Variants in ARF3 observed in about 807,000 individuals in gnomAD.
ARF3 encodes ADP-ribosylation factor 3.
In ARF3, 5 loss-of-function variants were observed where a neutral mutation model predicts 19.3. That is an observed-to-expected ratio of 0.26 (90% CI 0.14 to 0.54). The LOEUF (loss-of-function observed/expected upper bound fraction) is 0.54, where lower values mean the gene tolerates loss of function less well. ARF3 is among the 20% of genes least tolerant of loss of function. The pLI, the probability that ARF3 is intolerant of heterozygous loss-of-function variation, is 0.95. For synonymous variants in ARF3, 71 were observed against 89.2 expected (o/e 0.80, Z 1.15); for missense variants, 77 against 234.2 (o/e 0.33, Z 4.38).
rs575048229 is a variant in ARF3, at chr12:48,948,667, C to T, written c.-93-7479G>A. 7.9e-5 allele frequency among the ~76,000 whole-genome samples: 12 copies of T among 151,988 alleles called. No individual in the cohort carries two copies. In the South Asian group the frequency reaches 2.5e-3, roughly 32 times the overall value. ...CTCTACTAAAAATAGAAAAATTAGCCGGGTGTGATGGTGTGGGCCTGCAAT... is the reference window on the plus strand; with the variant it reads ...CTCTACTAAAAATAGAAAAATTAGCTGGGTGTGATGGTGTGGGCCTGCAAT... On this transcript the variant is annotated intron_variant, in intron 1 of 4. Coordinates refer to ENST00000256682, the MANE Select transcript of ARF3 (RefSeq NM_001659.3).
chr12:48,946,304 A>C (rs1940358130), intron 1 of ARF3, among the ~76,000 whole-genome samples: 1 of 152,230 alleles, frequency 6.6e-6, no homozygotes, highest in South Asian at 2.1e-4. Flanking sequence ...TTCACAATAC[A>C]TTCCTAAAAA....
chr12:48,939,207 T>A lies in ARF3; in HGVS notation c.385-99A>T, dbSNP rs1940208801. On this transcript the variant is annotated intron_variant, in intron 4 of 4. Transcript: ENST00000256682. This position sits in a 1 kb window ranked among gnomAD's most constrained non-coding sequence, Gnocchi z 4.8. ...AGAAATGTGTACCAGCACCTTCCCC[T>A]CCTCCTTTATTTTAGGAAACCCAGA... 3.1e-5 allele frequency: 41 copies of A among 1,333,536 alleles called. No individual in the cohort carries two copies. Among genetic ancestry groups the A allele is most frequent in the Non-Finnish European group, 4.2e-5 (41 of 982,024 alleles). 82.6% of individuals were successfully genotyped at this position (1,333,536 alleles called of 1,614,324 possible).
Position 48,939,170 on chromosome 12 carries a change from C to A in ARF3, c.385-62G>T, listed in dbSNP as rs1940208147. ...GGATTTTTTAAAGGCTTCTAGAACA[C>A]CCATCTACCAAAGAAATGTGTACCA... On this transcript the variant is annotated intron_variant, in intron 4 of 4. Transcript: ENST00000256682. The surrounding 1 kb of genome is among the most constrained non-coding windows in gnomAD (Gnocchi z 4.8). 6.5e-7 allele frequency: 1 copy of A among 1,541,980 alleles called. No individual in the cohort carries two copies.
chr12:48,956,793 C>G (rs1165670316), intron 1 of ARF3, among the ~76,000 whole-genome samples: 2 of 152,192 alleles, frequency 1.3e-5, no homozygotes, highest in Non-Finnish European at 2.9e-5. Flanking sequence ...CCCCAGCAGC[C>G]TGCCCTGTTG....
chr12:48,951,522 C>T (rs1398437724), intron 1 of ARF3, among the ~76,000 whole-genome samples: 2 of 151,286 alleles, frequency 1.3e-5, no homozygotes, highest in Admixed American at 6.6e-5. Flanking sequence ...GAGATTGCAC[C>T]ATTGCACTCC....
intron 1 of ARF3, among the ~76,000 whole-genome samples, chr12:48,955,419 G>A (rs1276078997): frequency 6.6e-6 from 1 of 152,174 alleles, no homozygotes; most frequent in Non-Finnish European, 1.5e-5. Context: ...GGGGAAGCAG[G>A]AAATCTGGGA....
intron 1 of ARF3, 29 bp from the exon 2 acceptor site, chr12:48,941,217 ATCATTTGCTTGTCAGGACT>A (rs1258112001): frequency 8.6e-7 from 1 of 1,160,286 alleles, no homozygotes; most frequent in Non-Finnish European, 1.2e-6. Context: ...AAATCATACC[ATCATTTGCTTGTCAGGACT>A]TCCAAGTAAA....
chr12:48,947,958 C>A (rs1940388162), intron 1 of ARF3, among the ~76,000 whole-genome samples: 1 of 121,862 alleles, frequency 8.2e-6, no homozygotes, highest in Middle Eastern at 3.6e-3. Context: ...GTAATCCCAG[C>A]ACTTTGGGAG....
In ARF3 at chr12:48,937,426, AG is replaced by A. The variant is rs1441491733; in HGVS notation, c.*1520del. On this transcript the variant is annotated 3_prime_UTR_variant, in exon 5 of 5. Coordinates refer to ENST00000256682, the MANE Select transcript of ARF3 (RefSeq NM_001659.3). ...AAGTCAGGACCCAGGCGAGGACCTC[AG>A]GAACAAGTGCCCCCTGCAGACAGAG... 4 of 152,674 alleles carry A rather than the reference AG, an allele frequency of 2.6e-5. No homozygotes were observed. The highest frequency in any genetic ancestry group is 5.9e-5 in the Non-Finnish European group (4 of 68,176). 9.5% of individuals were successfully genotyped at this position (152,674 alleles called of 1,614,324 possible). A position where few individuals can be genotyped will look rare whatever the true frequency, so the allele number is the denominator to read the frequency against.
Position 48,941,167 on chromosome 12 carries a change from C to A in ARF3, c.-72G>T. On this transcript the variant is annotated 5_prime_UTR_variant, in exon 2 of 5. Transcript: ENST00000256682. ...AGTGGCAGTCTGGTTTTGGCCTGGT[C>A]CCTGGTATGGAAGACTTGATCCTAG... 1.3e-6 allele frequency: 2 copies of A among 1,491,476 alleles called. No homozygotes were observed. Among genetic ancestry groups the A allele is most frequent in the South Asian group, 2.5e-5 (2 of 78,594 alleles). The allele number at this position is 1,491,476 out of a possible 1,614,324, so 92.4% of individuals were successfully genotyped here.
intron 1 of ARF3, among the ~76,000 whole-genome samples, chr12:48,954,281 C>T (rs1418376433): frequency 3.3e-5 from 5 of 152,186 alleles, no homozygotes; most frequent in South Asian, 2.1e-4. Flanking sequence ...AAAAAGATTT[C>T]GCTGCTCATA....
At chr12:48,953,964 A>AT (rs879443991) in intron 1 of ARF3, among the ~76,000 whole-genome samples, 12 of 152,222 alleles carry the variant, frequency 7.9e-5, no homozygotes, top group Non-Finnish European at 1.0e-4. Context: ...AAAAGCAGAC[A>AT]TTTTTTATTA....
In ARF3 at chr12:48,938,960, T is replaced by C. The variant is rs1208366365; in HGVS notation, c.533A>G (p.Lys178Arg). The change falls in exon 5 of 5, where the codon AAA (lysine) becomes AGA (arginine). Residue 178 changes from lysine (K) to arginine (R), a missense_variant. Lys to Arg is a conservative substitution (Grantham distance 26). Around this residue, in one of 3 missense-constraint regions of ARF3, gnomAD observed 53 missense variants for 121.2 expected, o/e 0.44. Coordinates refer to ENST00000256682, the MANE Select transcript of ARF3 (RefSeq NM_001659.3). ...GCTGTCTGGCTTTCACTTCTTGTTT[T>C]TGAGCTGATTGGCCAGCCAGTCCAG... ...EGLDWLANQL[K>R]NKK 4.3e-6 allele frequency: 7 copies of C among 1,612,282 alleles called. No individual in the cohort carries two copies. Among genetic ancestry groups the C allele is most frequent in the Non-Finnish European group, 5.9e-6 (7 of 1,179,928 alleles).
At chr12:48,956,803 G>C (rs376875687) in intron 1 of ARF3, among the ~76,000 whole-genome samples, 143 of 152,218 alleles carry the variant, frequency 9.4e-4, no homozygotes, top group African/African-American at 3.1e-3. Context: ...CTGCCCTGTT[G>C]GCTAACCCCC....
intron 1 of ARF3, among the ~76,000 whole-genome samples, chr12:48,955,064 A>G (rs1940537527): frequency 6.6e-6 from 1 of 152,130 alleles, no homozygotes; most frequent in Non-Finnish European, 1.5e-5. Flanking sequence ...ACTTTAACCA[A>G]CCTGGTTTTA....
chr12:48,954,266 G>A (rs1305743544), intron 1 of ARF3, among the ~76,000 whole-genome samples: 1 of 152,178 alleles, frequency 6.6e-6, no homozygotes, highest in Non-Finnish European at 1.5e-5. Context: ...TGATGCTGAA[G>A]CTGAAAAAAG....
chr12:48,956,393 T>C (rs1312057812), intron 1 of ARF3: 1 of 152,246 alleles, frequency 6.6e-6, no homozygotes, highest in Non-Finnish European at 1.5e-5. Context: ...AAGACGGGAA[T>C]TCCCCCAAAA....
chr12:48,936,696 T>G lies in ARF3; in HGVS notation c.*2251A>C, dbSNP rs1242291085. Reference sequence around the variant, plus strand: ...GAGGCCTGAAGTGAGGAAAACCTATTTAGGACTGACATCTAACTAGAGAAA... The same window carrying G: ...GAGGCCTGAAGTGAGGAAAACCTATGTAGGACTGACATCTAACTAGAGAAA... On this transcript the variant is annotated 3_prime_UTR_variant, in exon 5 of 5. Transcript: ENST00000256682. 1 of 152,144 alleles carries G rather than the reference T, an allele frequency of 6.6e-6. No individual in the cohort carries two copies. The highest frequency in any genetic ancestry group is 1.5e-5 in the Non-Finnish European group (1 of 68,016). The allele number at this position is 152,144 out of a possible 1,614,324, so 9.4% of individuals were successfully genotyped here.
intron 1 of ARF3, among the ~76,000 whole-genome samples, chr12:48,942,401 T>C (rs1019253749): frequency 6.6e-6 from 1 of 152,052 alleles, no homozygotes; most frequent in African/African-American, 2.4e-5. Context: ...ATATTTGCTA[T>C]CACCTCTGCC....
Sources: allele counts gnomAD v4.1 joint callset (sites outside exome capture counted in the v4.1 genomes callset), GRCh38; gene constraint gnomAD v4.1.1; regional missense constraint gnomAD v4.1.1; non-coding constraint Gnocchi (gnomAD v3.1); transcripts MANE v1.5; gene names NCBI Gene and HGNC (gene_info 2026-07-23, HGNC 2026-07-21).